The following PPP6R3 variants were observed in gnomAD, a reference collection of about 807,000 sequenced individuals.
PPP6R3 encodes the protein serine/threonine-protein phosphatase 6 regulatory subunit 3.
A neutral mutation model predicts 110.7 loss-of-function variants in PPP6R3; 38 were observed. That is an observed-to-expected ratio of 0.34 (90% CI 0.26 to 0.45). PPP6R3 has a LOEUF of 0.45. Among genes scored for constraint, PPP6R3 ranks in the 20% least tolerant of loss-of-function variants. The pLI is 1.00. For synonymous variants in PPP6R3, 369 were observed against 373.5 expected, an observed-to-expected ratio of 0.99 and a Z score of 0.14; for missense variants, 870 against 1,062.4, an observed-to-expected ratio of 0.82 and a Z score of 2.52.
chr11:68,472,616 G>GTTTTTT (rs2098800051), intron 1 of PPP6R3, among the ~76,000 whole-genome samples: 1 of 151,072 alleles, frequency 6.6e-6, no homozygotes, highest in Non-Finnish European at 1.5e-5. Flanking sequence ...TATATCTCGG[G>GTTTTTT]GTTTTTTTTT....
At chr11:68,608,010 C>T (rs1423487555) in intron 22 of PPP6R3, among the ~76,000 whole-genome samples, 1 of 149,114 alleles carries the variant, frequency 6.7e-6, no homozygotes, top group Non-Finnish European at 1.5e-5. Context: ...TTCAAGTGAG[C>T]CTCCTTCCTC....
chr11:68,475,631 G>T (rs1591636133), intron 1 of PPP6R3, among the ~76,000 whole-genome samples: 1 of 150,622 alleles, frequency 6.6e-6, no homozygotes, highest in Admixed American at 6.6e-5. Context: ...GGCCGGGTGG[G>T]GGCTGCCCCC....
At chr11:68,490,826 T>G (rs2098979489) in intron 1 of PPP6R3, among the ~76,000 whole-genome samples, 1 of 152,192 alleles carries the variant, frequency 6.6e-6, no homozygotes, top group African/African-American at 2.4e-5. Flanking sequence ...ATCTCTCTGC[T>G]TATGTTATCT....
chr11:68,568,462 T>C (rs1337072779), intron 10 of PPP6R3, among the ~76,000 whole-genome samples: 7 of 152,340 alleles, frequency 4.6e-5, no homozygotes, highest in Admixed American at 1.3e-4. Context: ...TTCCTAAATA[T>C]GACATACTAA....
intron 1 of PPP6R3, among the ~76,000 whole-genome samples, chr11:68,479,821 C>T (rs982538176): frequency 8.6e-5 from 13 of 152,028 alleles, no homozygotes; most frequent in African/African-American, 2.4e-5. Context: ...TCACTGTAGC[C>T]TCGGACACCT....
Position 68,547,576 on chromosome 11 carries a change from G to A in PPP6R3, c.415-491G>A, listed in dbSNP as rs185696431. 7.2e-5 allele frequency among the ~76,000 whole-genome samples: 11 copies of A among 152,340 alleles called. No individual in the cohort carries two copies. The East Asian group carries it at 2.1e-3, about 29-fold the overall frequency. On this transcript the variant is annotated intron_variant, in intron 4 of 23. Coordinates refer to ENST00000393800, the MANE Select transcript of PPP6R3 (RefSeq NM_001164161.2). ...TGGTGAAGTCAAAATCAAAGGCGAT[G>A]TTTGTGTAGCCAGGTGAGTTAGTTA...
At chr11:68,471,263 A>T (rs2098789805) in intron 1 of PPP6R3, among the ~76,000 whole-genome samples, 1 of 149,274 alleles carries the variant, frequency 6.7e-6, no homozygotes, top group Non-Finnish European at 1.5e-5. Context: ...AGCCTGGGTG[A>T]CAGAGCGAGA....
At chr11:68,510,930 C>G (rs2099105525) in intron 1 of PPP6R3, among the ~76,000 whole-genome samples, 1 of 152,158 alleles carries the variant, frequency 6.6e-6, no homozygotes, top group East Asian at 1.9e-4. Context: ...AGGATTGGCT[C>G]TCTCTTCTCT....
intron 23 of PPP6R3, among the ~76,000 whole-genome samples, chr11:68,610,778 T>C (rs1278898120): frequency 6.6e-6 from 1 of 152,166 alleles, no homozygotes; most frequent in Admixed American, 6.5e-5. Flanking sequence ...GTAGCTAAGA[T>C]TGTATATTCC....
rs1490303992 is a variant in PPP6R3, at chr11:68,615,069, G to A, written c.*1952G>A. 6.3e-6 allele frequency: 3 copies of A among 476,520 alleles called. No individual in the cohort carries two copies. Among genetic ancestry groups the A allele is most frequent in the East Asian group, 1.3e-4 (2 of 15,952 alleles). 29.5% of individuals were successfully genotyped at this position (476,520 alleles called of 1,614,324 possible). A position where few individuals can be genotyped will look rare whatever the true frequency, so the allele number is the denominator to read the frequency against. ...AGTGTCTTGCTTCATCCCACTGACT[G>A]CTGGGAGAGAGCCTCTGGGACTTTT... On this transcript the variant is annotated 3_prime_UTR_variant, in exon 24 of 24. Transcript: ENST00000393800.
intron 1 of PPP6R3, among the ~76,000 whole-genome samples, chr11:68,461,445 T>G (rs1315487144): frequency 1.1e-4 from 16 of 150,398 alleles, no homozygotes; most frequent in Admixed American, 1.1e-3. Context: ...GTGAGGTGGC[T>G]TGTATGTAAA....
intron 1 of PPP6R3, among the ~76,000 whole-genome samples, chr11:68,513,114 G>A (rs976886865): frequency 4.6e-5 from 7 of 152,182 alleles, no homozygotes; most frequent in Non-Finnish European, 8.8e-5. Context: ...GACCACTGGC[G>A]TCCCTGGTTC....
At chr11:68,505,417 T>G (rs886504051) in intron 1 of PPP6R3, 1 of 152,540 alleles carries the variant, frequency 6.6e-6, no homozygotes, top group African/African-American at 2.4e-5. Context: ...GATGAGAATT[T>G]ATTCATCTAA....
chr11:68,526,900 A>G (rs2099201838), intron 2 of PPP6R3, among the ~76,000 whole-genome samples: 1 of 152,228 alleles, frequency 6.6e-6, no homozygotes, highest in Non-Finnish European at 1.5e-5. Flanking sequence ...AGTTGCTTTA[A>G]TTTGAACTAG....
intron 1 of PPP6R3, among the ~76,000 whole-genome samples, chr11:68,477,769 T>TATATATATAA (rs2098846149): frequency 1.4e-4 from 19 of 138,140 alleles, no homozygotes; most frequent in Non-Finnish European, 2.2e-4. Flanking sequence ...TATATATATA[T>TATATATATAA]ATAATTTCCA....
At chr11:68,544,050 C>G (rs2099334012) in intron 3 of PPP6R3, among the ~76,000 whole-genome samples, 1 of 152,140 alleles carries the variant, frequency 6.6e-6, no homozygotes, top group Non-Finnish European at 1.5e-5. Context: ...GACTTTGTGT[C>G]TGTGCTGATA....
chr11:68,538,971 T>C (rs892590459), intron 3 of PPP6R3, among the ~76,000 whole-genome samples: 10 of 152,086 alleles, frequency 6.6e-5, no homozygotes, highest in African/African-American at 2.4e-4. Context: ...AATACAAAAA[T>C]TAGCTGTGCC....
intron 14 of PPP6R3, 151 bp from the exon 15 acceptor site, chr11:68,582,892 G>A (rs1173648154): frequency 1.6e-6 from 1 of 625,990 alleles, no homozygotes; most frequent in Non-Finnish European, 2.7e-6. Context: ...TGACACATTG[G>A]GCGGGTTTGG....
chr11:68,512,782 C>T (rs746402137), intron 1 of PPP6R3, among the ~76,000 whole-genome samples: 3 of 152,168 alleles, frequency 2.0e-5, no homozygotes, highest in Non-Finnish European at 2.9e-5. Context: ...CATCTAAACG[C>T]ACTTGCTTAA....
Sources: allele counts gnomAD v4.1 joint callset (sites outside exome capture counted in the v4.1 genomes callset), GRCh38; gene constraint gnomAD v4.1.1; transcripts MANE v1.5; gene names NCBI Gene and HGNC (gene_info 2026-07-23, HGNC 2026-07-21).